SUV39H1: variants seen among roughly 807,000 people sequenced by gnomAD.
SUV39H1 encodes the protein SUV39H1 histone lysine methyltransferase, also known as histone-lysine N-methyltransferase SUV39H1.
For missense variants in SUV39H1, 180 were observed against 386.3 expected (o/e 0.47, Z 4.48); for synonymous variants, 141 against 150.5 (o/e 0.94, Z 0.46).
chrX:48,702,287 G>A (rs1242068336), intron 3 of SUV39H1, among the ~76,000 whole-genome samples: 2 of 112,170 alleles, frequency 1.8e-5, no homozygotes, highest in Non-Finnish European at 3.8e-5. Flanking sequence ...TGACCTGGAG[G>A]AAGAGCTTGT....
chrX:48,698,930 G>T lies in SUV39H1; in HGVS notation c.48G>T (p.Trp16Cys). ...KGCSVCCKSS[W>C]NQLQDLCRLA... Reference sequence around the variant, plus strand: ...GCAGCGTGTGTTGCAAGTCTTCTTGGAATCAGCTGCAGGACCTGTGCCGCC... The same window carrying T: ...GCAGCGTGTGTTGCAAGTCTTCTTGTAATCAGCTGCAGGACCTGTGCCGCC... The change falls in exon 2 of 6, where the codon TGG (tryptophan) becomes TGT (cysteine). Residue 16 changes from tryptophan (W) to cysteine (C), a missense_variant. Trp to Cys is a radical substitution (Grantham distance 215). Coordinates refer to ENST00000376687, the MANE Select transcript of SUV39H1 (RefSeq NM_003173.4). The T allele has an allele frequency of 8.3e-7, 1 of 1,210,186 alleles. No individual in the cohort carries two copies. Among genetic ancestry groups the T allele is most frequent in the Non-Finnish European group, 1.1e-6 (1 of 894,864 alleles).
Position 48,707,603 on chromosome X carries a change from G to A in SUV39H1, c.*33G>A, listed in dbSNP as rs782454360. ...AAGTCTGAGGCCAGACTGACTGAGG[G>A]GGCCTGAAGCTACATGCACCTCCCC... On this transcript the variant is annotated 3_prime_UTR_variant, in exon 6 of 6. Coordinates refer to ENST00000376687, the MANE Select transcript of SUV39H1 (RefSeq NM_003173.4). The A allele has an allele frequency of 8.3e-6, 10 of 1,204,447 alleles. No homozygotes were observed. The East Asian group carries it at 2.7e-4, about 32-fold the overall frequency.
At chrX:48,696,883 C>T in intron 1 of SUV39H1, 80 bp downstream of exon 1, 1 of 828,944 alleles carries the variant, frequency 1.2e-6, no homozygotes, top group Non-Finnish European at 1.6e-6. Flanking sequence ...GCTCGGGGCC[C>T]CGGCGTCCGA....
At position 48,696,819 on chromosome X, in the gene SUV39H1, C is replaced by G. The variant is rs782608716; in HGVS notation, c.19+16C>G. Reference sequence around the variant, plus strand: ...AATTTAAAAGGTGAAGCAGTGGAGGCAGAGGCGCGGGCCCGCTGGCCGGGC... The same window carrying G: ...AATTTAAAAGGTGAAGCAGTGGAGGGAGAGGCGCGGGCCCGCTGGCCGGGC... On this transcript the variant is annotated intron_variant, in intron 1 of 5. Transcript: ENST00000376687. 13 of 1,118,683 alleles carry G rather than the reference C, an allele frequency of 1.2e-5. No homozygotes were observed. The highest frequency in any genetic ancestry group is 3.8e-5 in the African/African-American group (2 of 52,729). 92.2% of individuals were successfully genotyped at this position (1,118,683 alleles called of 1,213,427 possible).
At chrX:48,706,899 G>C (rs1276925306) in intron 5 of SUV39H1, among the ~76,000 whole-genome samples, 1 of 110,219 alleles carries the variant, frequency 9.1e-6, no homozygotes, top group Admixed American at 9.6e-5. Flanking sequence ...CCTGACTCCA[G>C]TCTTGACTGA....
upstream of SUV39H1, among the ~76,000 whole-genome samples, chrX:48,696,385 G>A (rs782607061): frequency 1.8e-5 from 2 of 112,056 alleles, no homozygotes; most frequent in African/African-American, 6.5e-5. Context: ...TGGGAGCCCC[G>A]GCCTGCTTGG....
upstream of SUV39H1, chrX:48,696,652 C>T (rs1008085836): frequency 1.1e-5 from 10 of 910,713 alleles, no homozygotes; most frequent in Non-Finnish European, 1.5e-5. Context: ...TCGGTCACGG[C>T]TCTCCGGTTG....
At position 48,699,046 on chromosome X, in the gene SUV39H1, G is replaced by A; in HGVS notation, c.164G>A (p.Arg55His). 1 of 1,207,101 alleles carries A rather than the reference G, an allele frequency of 8.3e-7. No individual in the cohort carries two copies. Among genetic ancestry groups the A allele is most frequent in the Non-Finnish European group, 1.1e-6 (1 of 893,043 alleles). Reference sequence around the variant, plus strand: ...TACCTGTGCGATTACAAGAAGATCCGCGTGAGTCTGGGGTGACCATGCTCT... The same window carrying A: ...TACCTGTGCGATTACAAGAAGATCCACGTGAGTCTGGGGTGACCATGCTCT... ...VEYLCDYKKIREQEYYLVKWR... is the reference protein window; with the variant it reads ...VEYLCDYKKIHEQEYYLVKWR... Residue 55 changes from arginine (R) to histidine (H), a missense_variant and splice_region_variant, in exon 2 of 6, where the codon CGC becomes CAC. Coordinates refer to ENST00000376687, the MANE Select transcript of SUV39H1 (RefSeq NM_003173.4).
rs1557008796 is a variant in SUV39H1 at position 48,697,111 on chromosome X, C to G, written c.19+308C>G. 5.4e-5 allele frequency among the ~76,000 whole-genome samples: 6 copies of G among 110,561 alleles called. 1 individual carries two copies. The South Asian group carries it at 2.3e-3, about 42-fold the overall frequency. Reference sequence around the variant, plus strand: ...CGGGGGCTTGTCGAGGAGGCCGCGCCCGCGCGCGGGAAAATCGGCCCCTGG... The same window carrying G: ...CGGGGGCTTGTCGAGGAGGCCGCGCGCGCGCGCGGGAAAATCGGCCCCTGG... On this transcript the variant is annotated intron_variant, in intron 1 of 5. Transcript: ENST00000376687.
intron 1 of SUV39H1, 73 bp downstream of exon 1, chrX:48,696,876 C>T (rs1357629213): frequency 1.2e-5 from 10 of 825,119 alleles, no homozygotes; most frequent in Non-Finnish European, 1.4e-5. Flanking sequence ...GTTGCCGGCT[C>T]GGGGCCCCGG....
intron 3 of SUV39H1, chrX:48,705,440 A>T (rs1557009979): frequency 8.8e-6 from 1 of 114,209 alleles, no homozygotes; most frequent in East Asian, 2.8e-4. Context: ...CTCAGGGAAG[A>T]GGGGCCATGG....
chrX:48,700,859 T>TA, intron 3 of SUV39H1, 106 bp downstream of exon 3: 3 of 978,438 alleles, frequency 3.1e-6, no homozygotes, highest in Non-Finnish European at 4.2e-6. Flanking sequence ...GCTTTCCCTA[T>TA]GGGAAAGGCC....
intron 3 of SUV39H1, among the ~76,000 whole-genome samples, chrX:48,703,386 C>T (rs1199719744): frequency 9.0e-6 from 1 of 111,622 alleles, no homozygotes; most frequent in African/African-American, 3.3e-5. Context: ...GGCCTATCTG[C>T]ACACCATGCT....
chrX:48,706,802 T>C (rs2062492488), intron 5 of SUV39H1, among the ~76,000 whole-genome samples, 175 bp downstream of exon 5: 1 of 109,069 alleles, frequency 9.2e-6, no homozygotes, highest in South Asian at 4.0e-4. Context: ...TGCCTACCCC[T>C]CGAGTCCCCT....
rs1557009050 is a variant in SUV39H1, at chrX:48,699,050, G to A, written c.165+3G>A. 7 of 1,203,077 alleles carry A rather than the reference G, an allele frequency of 5.8e-6. No homozygotes were observed. The highest frequency in any genetic ancestry group is 7.9e-6 in the Non-Finnish European group (7 of 890,567). On this transcript the variant is annotated splice_donor_region_variant and intron_variant, in intron 2 of 5. Transcript: ENST00000376687. ...TGTGCGATTACAAGAAGATCCGCGTGAGTCTGGGGTGACCATGCTCTGGGA... is the reference window on the plus strand; with the variant it reads ...TGTGCGATTACAAGAAGATCCGCGTAAGTCTGGGGTGACCATGCTCTGGGA...
chrX:48,695,745 G>A, upstream of SUV39H1: 3 of 1,151,424 alleles, frequency 2.6e-6, no homozygotes, highest in African/African-American at 1.8e-5. Context: ...CTGACTCGAT[G>A]GCTGTACGTG....
rs1347319589 is a variant in SUV39H1, at chrX:48,708,257, C to G, written c.*687C>G. 1 of 122,264 alleles carries G rather than the reference C, an allele frequency of 8.2e-6. No individual in the cohort carries two copies. Among genetic ancestry groups the G allele is most frequent in the African/African-American group, 3.2e-5 (1 of 30,887 alleles). The allele number at this position is 122,264 out of a possible 1,213,427, so 10.1% of individuals were successfully genotyped here. On this transcript the variant is annotated 3_prime_UTR_variant, in exon 6 of 6. Coordinates refer to ENST00000376687, the MANE Select transcript of SUV39H1 (RefSeq NM_003173.4). Reference sequence around the variant, plus strand: ...GGGCCACTGAGCAGTGAGAGGAAGGCAGTGCAGAGCTGGCCAGCCCTGGAG... The same window carrying G: ...GGGCCACTGAGCAGTGAGAGGAAGGGAGTGCAGAGCTGGCCAGCCCTGGAG...
At chrX:48,696,912 CG>C in intron 1 of SUV39H1, 109 bp downstream of exon 1, 2 of 486,270 alleles carry the variant, frequency 4.1e-6, no homozygotes, top group Non-Finnish European at 5.4e-6. Flanking sequence ...CGCCGGGAGC[CG>C]GAAGCTCGGC....
intron 3 of SUV39H1, among the ~76,000 whole-genome samples, chrX:48,703,753 T>C (rs1241956962): frequency 9.0e-6 from 1 of 111,384 alleles, no homozygotes; most frequent in African/African-American, 3.3e-5. Flanking sequence ...CTCACTCTCC[T>C]ATCAGAAACA....
Sources: gnomAD v4.1 joint callset for allele counts (sites outside exome capture counted in the v4.1 genomes callset) on GRCh38, gnomAD v4.1.1 for gene constraint, MANE v1.5 for transcripts, NCBI Gene and HGNC (gene_info 2026-07-23, HGNC 2026-07-21) for gene names.